WWOX: variants seen among roughly 807,000 people sequenced by gnomAD.
WWOX encodes WW domain-containing oxidoreductase.
A neutral mutation model predicts 46.2 loss-of-function variants in WWOX; 69 were observed. The ratio of observed to expected loss-of-function variants is 1.49; its 90% CI spans 1.23 to 1.82. The LOEUF is 1.82. Ranked by LOEUF, WWOX falls within the 40% of genes most tolerant of loss-of-function variation. The probability of loss-of-function intolerance (pLI) is 0.00; values close to 1 mark genes in which losing one functional copy is unlikely to be tolerated. For missense variants in WWOX, 919 were observed against 542.6 expected, an observed-to-expected ratio of 1.69 and a Z score of -6.89; for synonymous variants, 359 against 202.6, an observed-to-expected ratio of 1.77 and a Z score of -6.56.
intron 8 of WWOX, among the ~76,000 whole-genome samples, chr16:78,511,916 C>A (rs914993994): frequency 3.3e-5 from 5 of 152,278 alleles, no homozygotes; most frequent in Admixed American, 2.0e-4. Context: ...GCTAAAATAC[C>A]CAGCTACTTC....
chr16:78,474,079 C>T (rs1412110704), intron 8 of WWOX, among the ~76,000 whole-genome samples: 1 of 152,186 alleles, frequency 6.6e-6, no homozygotes, highest in Non-Finnish European at 1.5e-5. Flanking sequence ...AGGACGTCTT[C>T]TTTTATAACA....
chr16:78,390,934 T>A (rs4502225), intron 6 of WWOX, among the ~76,000 whole-genome samples: 1 of 152,144 alleles, frequency 6.6e-6, no homozygotes, highest in African/African-American at 2.4e-5. Flanking sequence ...AGCCTGTATG[T>A]GATCAAGCCA....
intron 5 of WWOX, among the ~76,000 whole-genome samples, chr16:78,268,086 T>A (rs976653878): frequency 2.0e-5 from 3 of 152,208 alleles, no homozygotes; most frequent in African/African-American, 4.8e-5. Flanking sequence ...CCCAAAGTGC[T>A]AGGATTACAG....
At chr16:78,108,810 A>G (rs2032314267) in intron 2 of WWOX, among the ~76,000 whole-genome samples, 1 of 152,222 alleles carries the variant, frequency 6.6e-6, no homozygotes, top group Non-Finnish European at 1.5e-5. Context: ...CAACATGTTG[A>G]AAGCGCATCT....
intron 8 of WWOX, among the ~76,000 whole-genome samples, chr16:78,714,015 T>G (rs1271379867): frequency 6.6e-6 from 1 of 151,934 alleles, no homozygotes; most frequent in Non-Finnish European, 1.5e-5. Context: ...GACACTGCAT[T>G]TGGGGGGAAG....
chr16:78,321,776 T>C (rs902108402), intron 5 of WWOX, among the ~76,000 whole-genome samples: 1 of 152,184 alleles, frequency 6.6e-6, no homozygotes, highest in Non-Finnish European at 1.5e-5. Flanking sequence ...AGGCCCTCCC[T>C]GTCAGTGGCT....
intron 4 of WWOX, among the ~76,000 whole-genome samples, chr16:78,135,683 T>TG (rs2033764529): frequency 1.3e-5 from 2 of 150,726 alleles, no homozygotes; most frequent in Non-Finnish European, 2.9e-5. Flanking sequence ...ACAGTATTAC[T>TG]GAAAAAAAAA....
intron 5 of WWOX, among the ~76,000 whole-genome samples, chr16:78,315,564 C>G (rs1322359242): frequency 3.3e-5 from 5 of 152,098 alleles, no homozygotes. Context: ...GCAGGCGAAT[C>G]GCTTGAACCC....
intron 8 of WWOX, among the ~76,000 whole-genome samples, chr16:79,175,945 C>G (rs1408859760): frequency 1.3e-5 from 2 of 152,144 alleles, no homozygotes; most frequent in African/African-American, 2.4e-5. Flanking sequence ...CCATTCCTGC[C>G]TCCACCCTTG....
At chr16:78,712,898 G>C (rs1233201028) in intron 8 of WWOX, among the ~76,000 whole-genome samples, 1 of 152,004 alleles carries the variant, frequency 6.6e-6, no homozygotes, top group Non-Finnish European at 1.5e-5. Flanking sequence ...TCTGTTTTGG[G>C]GTATGTTGAA....
At chr16:78,898,821 G>C (rs2044759854) in intron 8 of WWOX, 1 of 151,896 alleles carries the variant, frequency 6.6e-6, no homozygotes, top group African/African-American at 2.4e-5. Flanking sequence ...TGAATGTGGA[G>C]GTCTTATACT....
chr16:78,377,782 G>C (rs184570680), intron 5 of WWOX, among the ~76,000 whole-genome samples: 76 of 152,228 alleles, frequency 5.0e-4, no homozygotes, highest in Non-Finnish European at 8.8e-5. Flanking sequence ...TAATAGTTTT[G>C]CTTTCCATGG....
intron 6 of WWOX, among the ~76,000 whole-genome samples, chr16:78,405,779 G>C (rs555444109): frequency 6.6e-6 from 1 of 152,078 alleles, no homozygotes; most frequent in Non-Finnish European, 1.5e-5. Flanking sequence ...TGTCAAACAA[G>C]GTGGGCATTA....
At chr16:78,241,253 C>G (rs2037636345) in intron 5 of WWOX, 1 of 152,178 alleles carries the variant, frequency 6.6e-6, no homozygotes, top group Non-Finnish European at 1.5e-5. Flanking sequence ...AGTAAGTGCT[C>G]CGTAAATGTC....
chr16:79,212,019 T>A lies in WWOX; in HGVS notation c.*223T>A. ...TGGGGCTGGGCTAGGCATAGGTCTCTTTGCTTTCTGGTGGTGGCCTGTTTG... is the reference window on the plus strand; with the variant it reads ...TGGGGCTGGGCTAGGCATAGGTCTCATTGCTTTCTGGTGGTGGCCTGTTTG... On this transcript the variant is annotated 3_prime_UTR_variant, in exon 9 of 9. Transcript: ENST00000566780. The A allele has an allele frequency of 6.5e-7, 1 of 1,536,238 alleles. No homozygotes were observed. The highest frequency in any genetic ancestry group is 8.7e-7 in the Non-Finnish European group (1 of 1,146,898).
At chr16:78,237,036 T>G (rs1010903161) in intron 5 of WWOX, among the ~76,000 whole-genome samples, 1 of 141,176 alleles carries the variant, frequency 7.1e-6, no homozygotes, top group Non-Finnish European at 1.5e-5. Context: ...ATCACGCCAT[T>G]GCACTCCAGC....
intron 8 of WWOX, among the ~76,000 whole-genome samples, chr16:78,966,266 C>A (rs908717502): frequency 6.6e-6 from 1 of 152,178 alleles, no homozygotes; most frequent in Non-Finnish European, 1.5e-5. Flanking sequence ...AGATAACAGA[C>A]ATGCTCAGAA....
intron 8 of WWOX, among the ~76,000 whole-genome samples, chr16:78,738,045 A>T (rs914832050): frequency 6.6e-6 from 1 of 152,194 alleles, no homozygotes; most frequent in Non-Finnish European, 1.5e-5. Context: ...GCCATAAGCA[A>T]GTCAAGGTGG....
At chr16:78,283,024 C>G (rs899569200) in intron 5 of WWOX, among the ~76,000 whole-genome samples, 2 of 152,050 alleles carry the variant, frequency 1.3e-5, no homozygotes, top group Non-Finnish European at 2.9e-5. Flanking sequence ...CAGGGCCTGG[C>G]TGACCTATGG....
Sources: gnomAD v4.1 joint callset for allele counts (sites outside exome capture counted in the v4.1 genomes callset) on GRCh38, gnomAD v4.1.1 for gene constraint, MANE v1.5 for transcripts, NCBI Gene and HGNC (gene_info 2026-07-23, HGNC 2026-07-21) for gene names.